Variants in BBS1 observed in about 807,000 individuals in gnomAD.
BBS1 encodes BBSome complex member BBS1.
A neutral mutation model predicts 73.9 loss-of-function variants in BBS1; 60 were observed. The ratio of observed to expected loss-of-function variants is 0.81; its 90% confidence interval spans 0.66 to 1.01. The LOEUF (loss-of-function observed/expected upper bound fraction) is 1.01, where lower values mean the gene tolerates loss of function less well. Among genes scored for constraint, BBS1 ranks in the 50% least tolerant of loss-of-function variants. The pLI is 0.00. For missense variants in BBS1, 718 were observed against 770.3 expected (o/e 0.93, Z 0.80); for synonymous variants, 283 against 317.4 (o/e 0.89, Z 1.15).
chr11:66,526,983 C>CA, intron 13 of BBS1, 176 bp downstream of exon 13: 1 of 1,542,316 alleles, frequency 6.5e-7, no homozygotes, highest in Non-Finnish European at 8.7e-7. Context: ...GCCTGCAAAT[C>CA]ACTGTTCCTC....
intron 14 of BBS1, 120 bp downstream of exon 14, chr11:66,530,072 C>G: frequency 7.1e-7 from 1 of 1,407,498 alleles, no homozygotes; most frequent in Non-Finnish European, 9.7e-7. Flanking sequence ...GCCCGTGCTC[C>G]CCATCACCTT....
In BBS1 at chr11:66,515,720, C is replaced by T; in HGVS notation, c.507C>T (p.Ile169=). 6.2e-7 allele frequency: 1 copy of T among 1,614,198 alleles called. No individual in the cohort carries two copies. The highest frequency in any genetic ancestry group is 8.5e-7 in the Non-Finnish European group (1 of 1,180,026). The change falls in exon 6 of 17, where the codon ATC becomes ATT. Residue 169 remains isoleucine (I), a synonymous_variant. Coordinates refer to ENST00000318312, the MANE Select transcript of BBS1 (RefSeq NM_024649.5). ...AGACGGCAGAGGAGCCTTTGTCCAT[C>T]CAGTCACTCAGGTAAGGACCCTGTG... ...IRETAEEPLS[I]QSLRFLQLEL...
intron 3 of BBS1, among the ~76,000 whole-genome samples, chr11:66,511,697 T>C (rs1446646769): frequency 6.6e-6 from 1 of 152,092 alleles, no homozygotes; most frequent in Non-Finnish European, 1.5e-5. Flanking sequence ...AATGAAAATT[T>C]TCCATAGTAA....
Position 66,531,867 on chromosome 11 carries a change from C to A in BBS1, c.1696-84C>A, listed in dbSNP as rs566937489. ...GTGGGGGTATCTGCACAGTGGAGCC[C>A]TGTGGCCTGTCATTAGGGCCAGCGC... On this transcript the variant is annotated intron_variant, in intron 16 of 16. Coordinates refer to ENST00000318312, the MANE Select transcript of BBS1 (RefSeq NM_024649.5). The A allele has an allele frequency of 5.7e-6, 9 of 1,591,918 alleles. No homozygotes were observed. In the African/African-American group the frequency reaches 6.7e-5, roughly 12 times the overall value.
intron 7 of BBS1, among the ~76,000 whole-genome samples, chr11:66,518,020 C>A (rs1052967250): frequency 3.6e-5 from 5 of 140,114 alleles, no homozygotes; most frequent in African/African-American, 1.1e-4. Flanking sequence ...TGCAATGGCG[C>A]AATCTCAGCT....
chr11:66,525,991 C>A, intron 11 of BBS1, 132 bp from the exon 12 acceptor site: 6 of 757,674 alleles, frequency 7.9e-6, no homozygotes, highest in Non-Finnish European at 1.4e-5. Context: ...GGAAATATTT[C>A]AGAGGCAGCG....
At chr11:66,513,987 G>A (rs1855999806) in intron 3 of BBS1, among the ~76,000 whole-genome samples, 1 of 152,186 alleles carries the variant, frequency 6.6e-6, no homozygotes, top group African/African-American at 2.4e-5. Flanking sequence ...ATCCTGCCCT[G>A]CATTTGGAAA....
At chr11:66,520,999 G>T in intron 8 of BBS1, 1 of 473,314 alleles carries the variant, frequency 2.1e-6, no homozygotes, top group Non-Finnish European at 3.9e-6. Context: ...GATTACAGGT[G>T]TGGGCCACCA....
At chr11:66,510,928 C>A in intron 1 of BBS1, 85 bp from the exon 2 acceptor site, 1 of 1,490,194 alleles carries the variant, frequency 6.7e-7, no homozygotes, top group South Asian at 1.1e-5. Context: ...ACCTTATGTT[C>A]AGAGTGACCT....
At chr11:66,526,899 TG>T in intron 13 of BBS1, 92 bp downstream of exon 13, 1 of 1,608,838 alleles carries the variant, frequency 6.2e-7, no homozygotes. Context: ...CCCTGTGCAC[TG>T]GGAGGAGATC....
At position 66,515,924 on chromosome 11, in the gene BBS1, C is replaced by T; in HGVS notation, c.582C>T (p.Ile194=). The change falls in exon 7 of 17, where the codon ATC becomes ATT. Residue 194 remains isoleucine (I), a synonymous_variant. Transcript: ENST00000318312. ...AFVNQHKSNS[I]KRQTVITTMT... is the part of the protein sequence containing the mutation. ...TAAACCAACACAAGTCCAACTCCAT[C>T]AAGCGGCAGGTAATACCCCCTTCTC... is the stretch of plus-strand genomic sequence containing the variant. 3 of 1,614,186 alleles carry T rather than the reference C, an allele frequency of 1.9e-6. No individual in the cohort carries two copies. The highest frequency in any genetic ancestry group is 1.3e-5 in the African/African-American group (1 of 75,034).
chr11:66,533,264 AAC>A lies in BBS1; in HGVS notation c.*1231_*1232del. The A allele has an allele frequency of 6.6e-6, 1 of 152,322 alleles. No individual in the cohort carries two copies. Among genetic ancestry groups the A allele is most frequent in the East Asian group, 1.9e-4 (1 of 5,186 alleles). The allele number at this position is 152,322 out of a possible 1,614,324, so 9.4% of individuals were successfully genotyped here. ...TCTTTCTAAAACATACTTATTTAAA[AAC>A]ACATACCCACTTACTAATGTGGAAT... is the stretch of plus-strand genomic sequence containing the variant. On this transcript the variant is annotated 3_prime_UTR_variant, in exon 17 of 17. Coordinates refer to ENST00000318312, the MANE Select transcript of BBS1 (RefSeq NM_024649.5).
At position 66,532,136 on chromosome 11, in the gene BBS1, C is replaced by T. The variant is rs1253242693; in HGVS notation, c.*99C>T. The T allele has an allele frequency of 2.8e-5, 36 of 1,280,126 alleles. No homozygotes were observed. The highest frequency in any genetic ancestry group is 3.7e-5 in the Non-Finnish European group (34 of 924,734). 79.3% of individuals were successfully genotyped at this position (1,280,126 alleles called of 1,614,324 possible). A position where few individuals can be genotyped will look rare whatever the true frequency, so the allele number is the denominator to read the frequency against. ...CTCCTCATGCAGCAGTGTGCTGGGGCGACAGCTCGTCTCCCCTCTCTTAAG... is the reference window on the plus strand; with the variant it reads ...CTCCTCATGCAGCAGTGTGCTGGGGTGACAGCTCGTCTCCCCTCTCTTAAG... On this transcript the variant is annotated 3_prime_UTR_variant, in exon 17 of 17. Transcript: ENST00000318312.
Position 66,514,568 on chromosome 11 carries a change from T to G in BBS1, c.322T>G (p.Ser108Ala), listed in dbSNP as rs369311781. ...EPRTPALALA[S>A]GPCVYVYKNL... is the part of the protein sequence containing the mutation. ...CCGGACCCCAGCTCTGGCACTTGCTTCAGGCCCTTGTGTCTATGTGTATAA... is the reference window on the plus strand; with the variant it reads ...CCGGACCCCAGCTCTGGCACTTGCTGCAGGCCCTTGTGTCTATGTGTATAA... Residue 108 changes from serine (S) to alanine (A), a missense_variant, in exon 4 of 17, where the codon TCA becomes GCA. Transcript: ENST00000318312. 14 of 1,614,028 alleles carry G rather than the reference T, an allele frequency of 8.7e-6. No homozygotes were observed. The highest frequency in any genetic ancestry group is 1.7e-5 in the Admixed American group (1 of 60,000).
chr11:66,521,068 G>A (rs1418036910), intron 8 of BBS1: 13 of 615,758 alleles, frequency 2.1e-5, no homozygotes, highest in South Asian at 1.8e-4. Flanking sequence ...AAGTGGCATC[G>A]TTTAGTCAAA....
intron 13 of BBS1, chr11:66,529,186 T>TGGGGGGGGGGGGGGGGGG (rs1555049717): frequency 2.0e-6 from 1 of 501,534 alleles, no homozygotes; most frequent in African/African-American, 5.9e-5. Context: ...GGAGGGACAG[T>TGGGGGGGGGGGGGGGGGG]GGGGTGGGGG....
At chr11:66,527,867 G>T (rs1256712954) in intron 13 of BBS1, among the ~76,000 whole-genome samples, 1 of 152,058 alleles carries the variant, frequency 6.6e-6, no homozygotes, top group Non-Finnish European at 1.5e-5. Flanking sequence ...CACCCTAAAA[G>T]ATGATAGCCA....
In BBS1 at chr11:66,521,354, G is replaced by A. The variant is rs754465006; in HGVS notation, c.808G>A (p.Gly270Arg). 6 of 1,614,188 alleles carry A rather than the reference G, an allele frequency of 3.7e-6. No individual in the cohort carries two copies. In the Admixed American group the frequency reaches 1.0e-4, roughly 27 times the overall value. The part of the protein sequence containing the change: ...EFRLAAACRN[G>R]NIYILRRDSK... ...CCGGCTTGCCGCGGCCTGCCGCAAT[G>A]GAAACATCTATATTCTGAGAAGGTA... The change falls in exon 9 of 17, where the codon GGA (glycine) becomes AGA (arginine). Residue 270 changes from glycine (G) to arginine (R), a missense_variant. By Grantham distance (125) the Gly-to-Arg change is moderately radical. Coordinates refer to ENST00000318312, the MANE Select transcript of BBS1 (RefSeq NM_024649.5).
At chr11:66,527,954 G>A (rs116062788) in intron 13 of BBS1, among the ~76,000 whole-genome samples, 2,102 of 152,236 alleles carry the variant, frequency 0.014, 53 homozygotes, top group African/African-American at 0.048. Context: ...AAGCAGGCCC[G>A]GTTCGGTGGC....
Sources: gnomAD v4.1 joint callset for allele counts (sites outside exome capture counted in the v4.1 genomes callset) on GRCh38, gnomAD v4.1.1 for gene constraint, MANE v1.5 for transcripts, NCBI Gene and HGNC (gene_info 2026-07-23, HGNC 2026-07-21) for gene names.